TRPM3: variants seen among roughly 807,000 people sequenced by gnomAD.
TRPM3 encodes transient receptor potential cation channel subfamily M member 3.
In TRPM3, 77 loss-of-function variants were observed where a neutral mutation model predicts 181.2. That is an observed-to-expected ratio of 0.42 (90% confidence interval 0.35 to 0.51). The LOEUF is 0.51. Among genes scored for constraint, TRPM3 ranks in the 20% least tolerant of loss-of-function variants. The pLI, the probability that TRPM3 is intolerant of heterozygous loss-of-function variation, is 0.01. For missense variants in TRPM3, 1,759 were observed against 2,196.7 expected, an observed-to-expected ratio of 0.80 and a Z score of 3.98; for synonymous variants, 745 against 796.4, an observed-to-expected ratio of 0.94 and a Z score of 1.09.
chr9:71,342,031 G>A (rs976911249), intron 1 of TRPM3, among the ~76,000 whole-genome samples: 2 of 151,740 alleles, frequency 1.3e-5, no homozygotes, highest in African/African-American at 2.4e-5. Flanking sequence ...TGGTCCTTAT[G>A]CAGACGAAAC....
intron 15 of TRPM3, 130 bp from the exon 16 acceptor site, chr9:70,620,495 C>T: frequency 9.9e-7 from 1 of 1,011,122 alleles, no homozygotes; most frequent in Non-Finnish European, 1.5e-6. Context: ...AGCTCCTGTC[C>T]TAAAAGAACT....
At chr9:70,811,012 A>G (rs1291495287) in intron 6 of TRPM3, among the ~76,000 whole-genome samples, 1 of 152,220 alleles carries the variant, frequency 6.6e-6, no homozygotes, top group African/African-American at 2.4e-5. Flanking sequence ...AATAGGGAGT[A>G]ACTAATTTCT....
chr9:70,596,008 CATA>C (rs1433050561), intron 21 of TRPM3, among the ~76,000 whole-genome samples: 1 of 152,160 alleles, frequency 6.6e-6, no homozygotes, highest in African/African-American at 2.4e-5. Context: ...AGGAATACAG[CATA>C]ATAACTATAC....
intron 1 of TRPM3, among the ~76,000 whole-genome samples, chr9:71,290,965 A>C (rs2085758663): frequency 6.6e-6 from 1 of 152,158 alleles, no homozygotes; most frequent in African/African-American, 2.4e-5. Context: ...ATATATCAGC[A>C]ATAATCAATG....
At chr9:70,644,930 C>T (rs79701190) in intron 9 of TRPM3, among the ~76,000 whole-genome samples, 1 of 152,042 alleles carries the variant, frequency 6.6e-6, no homozygotes, top group African/African-American at 2.4e-5. Context: ...AAACAGAAAG[C>T]CAAATCATGA....
At chr9:70,945,841 C>G (rs949692158) in intron 1 of TRPM3, among the ~76,000 whole-genome samples, 2 of 152,044 alleles carry the variant, frequency 1.3e-5, no homozygotes, top group Non-Finnish European at 2.9e-5. Context: ...GTTGTAAGAA[C>G]TGGCTGTGGG....
chr9:71,212,209 C>T (rs375077556), intron 1 of TRPM3, among the ~76,000 whole-genome samples: 38 of 152,258 alleles, frequency 2.5e-4, no homozygotes, highest in East Asian at 2.1e-3. Flanking sequence ...CTCAACCTCC[C>T]GGGCTCAAGC....
chr9:71,041,416 T>G (rs1378077084), intron 1 of TRPM3, among the ~76,000 whole-genome samples: 1 of 152,138 alleles, frequency 6.6e-6, no homozygotes, highest in Non-Finnish European at 1.5e-5. Context: ...TGTCATGACA[T>G]GGTTTCTTTC....
At chr9:70,906,532 G>T (rs912966792) in intron 1 of TRPM3, among the ~76,000 whole-genome samples, 13 of 151,234 alleles carry the variant, frequency 8.6e-5, no homozygotes, top group African/African-American at 2.4e-4. Flanking sequence ...TTTGGGAAAG[G>T]CTTCTCCAGG....
At chr9:71,346,141 T>A (rs956297567) in intron 1 of TRPM3, among the ~76,000 whole-genome samples, 1 of 152,200 alleles carries the variant, frequency 6.6e-6, no homozygotes, top group Non-Finnish European at 1.5e-5. Context: ...CCAACAGATA[T>A]GTGGATATAA....
chr9:70,802,239 G>A (rs1262764041), intron 6 of TRPM3, among the ~76,000 whole-genome samples: 2 of 152,184 alleles, frequency 1.3e-5, no homozygotes, highest in Non-Finnish European at 2.9e-5. Context: ...AAATAACCAT[G>A]AACAATATTT....
chr9:71,200,428 T>C (rs1177255739), intron 1 of TRPM3, among the ~76,000 whole-genome samples: 1 of 150,736 alleles, frequency 6.6e-6, no homozygotes, highest in Non-Finnish European at 1.5e-5. Context: ...TGGGTATCCT[T>C]GTTAACTTTC....
chr9:71,092,434 A>G (rs988708673), intron 1 of TRPM3, among the ~76,000 whole-genome samples: 7 of 152,186 alleles, frequency 4.6e-5, no homozygotes, highest in African/African-American at 1.4e-4. Context: ...TGTTTTTCTA[A>G]TAGCAGTAAC....
At chr9:71,008,909 G>A (rs897056335) in intron 1 of TRPM3, among the ~76,000 whole-genome samples, 1 of 152,194 alleles carries the variant, frequency 6.6e-6, no homozygotes, top group African/African-American at 2.4e-5. Context: ...AAGATGCAAG[G>A]ATGGTTCAAA....
At chr9:71,199,468 C>T (rs1307634894) in intron 1 of TRPM3, among the ~76,000 whole-genome samples, 2 of 152,002 alleles carry the variant, frequency 1.3e-5, no homozygotes, top group Non-Finnish European at 2.9e-5. Context: ...CTCCTTGTAC[C>T]TCTGGTAGAA....
intron 1 of TRPM3, among the ~76,000 whole-genome samples, chr9:71,037,220 T>C (rs2058310094): frequency 1.3e-5 from 2 of 152,222 alleles, no homozygotes; most frequent in Admixed American, 6.5e-5. Flanking sequence ...TTTCAACTTA[T>C]AGCAGCGAGG....
chr9:71,198,441 A>G (rs11142728), intron 1 of TRPM3, among the ~76,000 whole-genome samples: 65,300 of 151,680 alleles, frequency 0.43, 14,427 homozygotes, highest in East Asian at 0.52. Context: ...GGATGGCATT[A>G]AATCTATAAA....
In TRPM3 at chr9:71,203,187, C is replaced by T. The variant is rs148357866; in HGVS notation, c.183+243466G>A. On this transcript the variant is annotated intron_variant, in intron 1 of 24. Coordinates refer to the TRPM3 transcript ENST00000357533. ...ATCTAGTTCCAGAAAAACAGACATGCTTTGGAACAAGACAGAGCTGGTTAG... is the reference window on the plus strand; with the variant it reads ...ATCTAGTTCCAGAAAAACAGACATGTTTTGGAACAAGACAGAGCTGGTTAG... 3.7e-4 allele frequency among the ~76,000 whole-genome samples: 56 copies of T among 152,308 alleles called. 1 individual carries two copies. Among genetic ancestry groups the T allele is most frequent in the African/African-American group, 1.2e-3 (49 of 41,576 alleles).
At chr9:70,826,798 A>G (rs2093584523) in intron 6 of TRPM3, 1 of 152,268 alleles carries the variant, frequency 6.6e-6, no homozygotes, top group African/African-American at 2.4e-5. Flanking sequence ...CAATTAGATC[A>G]AAGTTTCCCT....
Sources: allele counts gnomAD v4.1 joint callset (sites outside exome capture counted in the v4.1 genomes callset), GRCh38; gene constraint gnomAD v4.1.1; transcripts MANE v1.5; gene names NCBI Gene and HGNC (gene_info 2026-07-23, HGNC 2026-07-21).